The following SOX6 variants were observed in gnomAD, a reference collection of about 807,000 sequenced individuals.
SOX6 encodes transcription factor SOX-6.
SOX6 carries 11 observed loss-of-function variants against 97.8 expected under a neutral mutation model. That is an observed-to-expected ratio of 0.11 (90% CI 0.07 to 0.19). The LOEUF (loss-of-function observed/expected upper bound fraction) is 0.19. Among genes scored for constraint, SOX6 ranks in the 10% least tolerant of loss-of-function variants. The pLI is 1.00. For synonymous variants in SOX6, 360 were observed against 371.4 expected (o/e 0.97, Z 0.35); for missense variants, 810 against 1,039.5 (o/e 0.78, Z 3.04).
intron 6 of SOX6, among the ~76,000 whole-genome samples, chr11:16,139,363 A>C (rs926014246): frequency 1.3e-5 from 2 of 152,050 alleles, no homozygotes; most frequent in African/African-American, 4.8e-5. Flanking sequence ...TCTTTCTGTA[A>C]TGTCTTGTAT....
intron 3 of SOX6, among the ~76,000 whole-genome samples, chr11:16,240,685 T>C (rs974841486): frequency 1.2e-4 from 18 of 151,910 alleles, no homozygotes; most frequent in African/African-American, 3.9e-4. Context: ...TCAATGCCAA[T>C]CTAGAAAAAG....
intron 1 of SOX6, among the ~76,000 whole-genome samples, chr11:16,427,077 GA>G (rs1311317697): frequency 6.6e-6 from 1 of 152,200 alleles, no homozygotes; most frequent in East Asian, 1.9e-4. Context: ...AAGATTTCAT[GA>G]CTAAGACACC....
At chr11:16,630,670 C>G (rs886505187) in intron 3 of SOX6, among the ~76,000 whole-genome samples, 1 of 152,010 alleles carries the variant, frequency 6.6e-6, no homozygotes, top group African/African-American at 2.4e-5. Flanking sequence ...CTGTCTAATG[C>G]TGACAGTCAG....
At chr11:16,480,488 T>A (rs1258472278), upstream of SOX6, among the ~76,000 whole-genome samples, 1 of 152,182 alleles carries the variant, frequency 6.6e-6, no homozygotes, top group Non-Finnish European at 1.5e-5. Flanking sequence ...CAAAAGCATG[T>A]CCCACTCTAC....
intron 1 of SOX6, among the ~76,000 whole-genome samples, chr11:16,370,183 T>G (rs78215797): frequency 0.024 from 3,703 of 152,076 alleles, 134 homozygotes; most frequent in African/African-American, 0.077. Context: ...TAACACAAAT[T>G]TTTCCATTTT....
intron 4 of SOX6, among the ~76,000 whole-genome samples, chr11:16,520,564 G>A (rs1327961194): frequency 6.6e-6 from 1 of 152,222 alleles, no homozygotes; most frequent in African/African-American, 2.4e-5. Flanking sequence ...GAAGACGGGT[G>A]ATTTCTGCAT....
At chr11:16,394,654 CTA>C (rs1858291728) in intron 1 of SOX6, among the ~76,000 whole-genome samples, 1 of 151,900 alleles carries the variant, frequency 6.6e-6, no homozygotes. Flanking sequence ...ACTGGCAACA[CTA>C]TGAATATTTT....
chr11:16,325,983 C>T (rs1856076062), intron 2 of SOX6, among the ~76,000 whole-genome samples: 1 of 152,174 alleles, frequency 6.6e-6, no homozygotes, highest in African/African-American at 2.4e-5. Context: ...ACACCAGACA[C>T]CAAACCTGCT....
chr11:16,715,518 T>C (rs978410926), intron 2 of SOX6, among the ~76,000 whole-genome samples: 1 of 152,082 alleles, frequency 6.6e-6, no homozygotes, highest in African/African-American at 2.4e-5. Flanking sequence ...AATTAATGTG[T>C]TGTGGATAGC....
intron 4 of SOX6, among the ~76,000 whole-genome samples, chr11:16,592,419 T>A (rs1375561981): frequency 1.3e-5 from 2 of 151,618 alleles, no homozygotes; most frequent in East Asian, 3.9e-4. Context: ...AGATACCAGC[T>A]ATAGGTTACT....
intron 1 of SOX6, among the ~76,000 whole-genome samples, chr11:16,414,565 TA>T (rs1032941863): frequency 4.0e-5 from 6 of 150,842 alleles, no homozygotes; most frequent in South Asian, 2.1e-4. Context: ...CCTGCAAGTT[TA>T]AAAAAAAACA....
intron 6 of SOX6, among the ~76,000 whole-genome samples, chr11:16,178,260 T>TAGCC (rs1565001115): frequency 6.6e-6 from 1 of 152,012 alleles, no homozygotes; most frequent in African/African-American, 2.4e-5. Flanking sequence ...TTTGCTGTTA[T>TAGCC]AGCCCTTGCT....
At chr11:16,362,761 A>T (rs1486584812) in intron 1 of SOX6, among the ~76,000 whole-genome samples, 1 of 152,090 alleles carries the variant, frequency 6.6e-6, no homozygotes, top group Non-Finnish European at 1.5e-5. Context: ...GAATTGTAAA[A>T]TTTTCTGGGG....
intron 6 of SOX6, among the ~76,000 whole-genome samples, chr11:16,174,623 T>G (rs1014815365): frequency 6.6e-5 from 10 of 151,898 alleles, no homozygotes; most frequent in African/African-American, 2.4e-4. Flanking sequence ...ATCTCTCAAG[T>G]CTGGTATGCA....
At chr11:16,202,266 G>A (rs990126493) in intron 4 of SOX6, among the ~76,000 whole-genome samples, 86 of 152,140 alleles carry the variant, frequency 5.7e-4, no homozygotes, top group African/African-American at 2.0e-3. Context: ...AAGATTCTAA[G>A]GCCATGTTAT....
chr11:16,520,545 A>C (rs1861042730), intron 4 of SOX6, among the ~76,000 whole-genome samples: 1 of 152,218 alleles, frequency 6.6e-6, no homozygotes, highest in South Asian at 2.1e-4. Flanking sequence ...TCCCAGCATT[A>C]GCGACGTAGA....
intron 4 of SOX6, among the ~76,000 whole-genome samples, chr11:16,495,454 G>A (rs546287947): frequency 6.6e-6 from 1 of 152,188 alleles, no homozygotes; most frequent in African/African-American, 2.4e-5. Context: ...GGGTGCTTGG[G>A]GATTGCTCTG....
intron 4 of SOX6, among the ~76,000 whole-genome samples, chr11:16,231,455 A>G (rs1852849374): frequency 6.6e-6 from 1 of 151,800 alleles, no homozygotes; most frequent in South Asian, 2.1e-4. Flanking sequence ...CCCTATAAAA[A>G]TGGCAAGAAA....
chr11:16,634,787 T>C (rs1848760067), intron 3 of SOX6, among the ~76,000 whole-genome samples: 1 of 151,918 alleles, frequency 6.6e-6, no homozygotes, highest in Non-Finnish European at 1.5e-5. Flanking sequence ...TCTTGAACTG[T>C]AGTTCCCATA....
Sources: allele counts gnomAD v4.1 joint callset (sites outside exome capture counted in the v4.1 genomes callset), GRCh38; gene constraint gnomAD v4.1.1; transcripts MANE v1.5; gene names NCBI Gene and HGNC (gene_info 2026-07-23, HGNC 2026-07-21).